Variants in BABAM2 observed in about 807,000 individuals in gnomAD.
BABAM2 encodes the protein BRISC and BRCA1 A complex member 2.
A neutral mutation model predicts 54.7 loss-of-function variants in BABAM2; 31 were observed. The ratio of observed to expected loss-of-function variants is 0.57; its 90% confidence interval spans 0.43 to 0.77. BABAM2 has a LOEUF of 0.77. Among genes scored for constraint, BABAM2 ranks in the 30% least tolerant of loss-of-function variants. The pLI is 0.00. For missense variants in BABAM2, 364 were observed against 455.8 expected (o/e 0.80, Z 1.83); for synonymous variants, 167 against 162.9 (o/e 1.03, Z -0.19).
At chr2:28,138,525 A>G (rs1670740915) in intron 7 of BABAM2, among the ~76,000 whole-genome samples, 1 of 152,226 alleles carries the variant, frequency 6.6e-6, no homozygotes, top group South Asian at 2.1e-4. Context: ...ACCTCATTTA[A>G]GGATCTATAT....
At chr2:28,052,597 G>A (rs1678084809) in intron 6 of BABAM2, among the ~76,000 whole-genome samples, 1 of 152,084 alleles carries the variant, frequency 6.6e-6, no homozygotes, top group African/African-American at 2.4e-5. Context: ...CGTAATCATA[G>A]AGAAGGTTTC....
At chr2:28,024,405 CA>C (rs1205500068) in intron 4 of BABAM2, among the ~76,000 whole-genome samples, 1,333 of 110,164 alleles carry the variant, frequency 0.012, 7 homozygotes, top group African/African-American at 0.033. Context: ...GACTCCATCT[CA>C]AAAAAAAAAA....
intron 11 of BABAM2, chr2:28,327,558 C>T: frequency 7.8e-7 from 1 of 1,278,870 alleles, no homozygotes; most frequent in Non-Finnish European, 1.1e-6. Context: ...CCTAAAACGG[C>T]ATTTGATTTA....
intron 11 of BABAM2, 115 bp downstream of exon 11, chr2:28,298,606 A>C: frequency 7.8e-7 from 1 of 1,282,422 alleles, no homozygotes; most frequent in East Asian, 2.5e-5. Context: ...TTTTGTAAAT[A>C]AAGTTTTATA....
chr2:27,967,583 G>A (rs1275868778), intron 3 of BABAM2, among the ~76,000 whole-genome samples: 1 of 152,196 alleles, frequency 6.6e-6, no homozygotes, highest in Non-Finnish European at 1.5e-5. Flanking sequence ...TGAAAATGTG[G>A]AAGTGACTTT....
intron 7 of BABAM2, among the ~76,000 whole-genome samples, chr2:28,194,575 C>CTTTT (rs10684650): frequency 0.01 from 994 of 99,036 alleles, 14 homozygotes; most frequent in Non-Finnish European, 0.013. Context: ...ACAACGTAGA[C>CTTTT]TTTTTTTTTT....
chr2:28,321,611 G>A (rs867518708), intron 11 of BABAM2, among the ~76,000 whole-genome samples: 2 of 152,114 alleles, frequency 1.3e-5, no homozygotes, highest in East Asian at 1.9e-4. Context: ...ATGCATGCTC[G>A]AAATTCCTTC....
At chr2:28,319,936 C>T (rs1219068974) in intron 11 of BABAM2, among the ~76,000 whole-genome samples, 3 of 152,172 alleles carry the variant, frequency 2.0e-5, no homozygotes, top group Non-Finnish European at 4.4e-5. Flanking sequence ...TTCCCCACTG[C>T]GCAGTGTGTG....
At chr2:28,227,582 G>A (rs1681002565) in intron 7 of BABAM2, among the ~76,000 whole-genome samples, 1 of 152,132 alleles carries the variant, frequency 6.6e-6, no homozygotes, top group African/African-American at 2.4e-5. Context: ...TTCAATAAAT[G>A]TCTTATCTCC....
At chr2:27,986,789 T>G (rs1324893994) in intron 3 of BABAM2, among the ~76,000 whole-genome samples, 2 of 152,174 alleles carry the variant, frequency 1.3e-5, no homozygotes, top group African/African-American at 4.8e-5. Flanking sequence ...TGTATGTATG[T>G]GTACAGAGGT....
intron 6 of BABAM2, among the ~76,000 whole-genome samples, chr2:28,104,967 C>T (rs1456919291): frequency 5.3e-5 from 8 of 150,780 alleles, no homozygotes; most frequent in African/African-American, 1.2e-4. Context: ...CATGTTCTCA[C>T]TCATAGGTGG....
intron 7 of BABAM2, among the ~76,000 whole-genome samples, chr2:28,131,449 T>C (rs1185533869): frequency 6.6e-6 from 1 of 152,132 alleles, no homozygotes; most frequent in Non-Finnish European, 1.5e-5. Flanking sequence ...GGCAGTAGAA[T>C]GACGTGGCAT....
chr2:27,976,618 C>G (rs1471402551), intron 3 of BABAM2, among the ~76,000 whole-genome samples: 1 of 152,108 alleles, frequency 6.6e-6, no homozygotes, highest in Non-Finnish European at 1.5e-5. Context: ...TAGAATTGTT[C>G]TGTATCCTAA....
chr2:27,982,826 A>G (rs918294525), intron 3 of BABAM2, among the ~76,000 whole-genome samples: 1 of 143,050 alleles, frequency 7.0e-6, no homozygotes, highest in Admixed American at 7.3e-5. Flanking sequence ...TTAAGGCTGA[A>G]TAATATTTCA....
At chr2:28,104,938 G>A (rs139193742) in intron 6 of BABAM2, among the ~76,000 whole-genome samples, 2,066 of 149,046 alleles carry the variant, frequency 0.014, 40 homozygotes, top group African/African-American at 0.048. Context: ...CTATCACAAG[G>A]ACAAAAAACC....
intron 10 of BABAM2, among the ~76,000 whole-genome samples, chr2:28,270,568 G>C (rs557175212): frequency 6.6e-6 from 1 of 152,210 alleles, no homozygotes; most frequent in Non-Finnish European, 1.5e-5. Flanking sequence ...GCTATTGGTC[G>C]TGTATTTGAC....
chr2:28,269,938 A>G (rs987021709), intron 10 of BABAM2, among the ~76,000 whole-genome samples: 1 of 152,046 alleles, frequency 6.6e-6, no homozygotes, highest in African/African-American at 2.4e-5. Context: ...AACTATACAT[A>G]TTAGGAAAAT....
intron 6 of BABAM2, among the ~76,000 whole-genome samples, chr2:28,054,376 A>G (rs1162877536): frequency 1.3e-5 from 2 of 152,200 alleles, no homozygotes; most frequent in Non-Finnish European, 2.9e-5. Context: ...TTAGTAACAT[A>G]AAATTTACTG....
intron 2 of BABAM2, among the ~76,000 whole-genome samples, chr2:27,899,498 G>C (rs1012045955): frequency 1.3e-5 from 2 of 149,202 alleles, no homozygotes; most frequent in Non-Finnish European, 3.0e-5. Flanking sequence ...TTTCGTGACA[G>C]AGTTTCGCTC....
Sources: gnomAD v4.1 joint callset for allele counts (sites outside exome capture counted in the v4.1 genomes callset) on GRCh38, gnomAD v4.1.1 for gene constraint, MANE v1.5 for transcripts, NCBI Gene and HGNC (gene_info 2026-07-23, HGNC 2026-07-21) for gene names.